Variants in TLCD4 observed in about 807,000 individuals in gnomAD.
TLCD4 encodes the protein TLC domain-containing protein 4.
A neutral mutation model predicts 24.2 loss-of-function variants in TLCD4; 7 were observed. The ratio of observed to expected loss-of-function variants is 0.29; its 90% CI spans 0.16 to 0.54. The LOEUF (loss-of-function observed/expected upper bound fraction) is 0.54, where lower values mean the gene tolerates loss of function less well. Ranked by LOEUF, TLCD4 falls within the 20% of genes least tolerant of loss-of-function variation. The pLI is 0.95. For synonymous variants in TLCD4, 103 were observed against 106.4 expected (o/e 0.97, Z 0.20); for missense variants, 259 against 313.9 (o/e 0.82, Z 1.32).
At chr1:95,183,610 G>A (rs900019636) in intron 6 of TLCD4, among the ~76,000 whole-genome samples, 1 of 152,114 alleles carries the variant, frequency 6.6e-6, no homozygotes, top group African/African-American at 2.4e-5. Context: ...AGGCCGAGGC[G>A]AGCAGATCAC....
chr1:95,170,246 G>T (rs1678157300), intron 5 of TLCD4, among the ~76,000 whole-genome samples: 1 of 151,078 alleles, frequency 6.6e-6, no homozygotes, highest in African/African-American at 2.4e-5. Flanking sequence ...GGAATAAAAA[G>T]TTCACCTATA....
chr1:95,095,238 T>G, the TLCD4 span, among the ~76,000 whole-genome samples: 1 of 152,066 alleles, frequency 6.6e-6, no homozygotes, highest in African/African-American at 2.4e-5. Context: ...CAGGAGCAGT[T>G]TTCAAGGAGG....
In TLCD4 at chr1:95,197,075, G is replaced by A. The variant is rs963478473; in HGVS notation, c.*5207G>A. On this transcript the variant is annotated 3_prime_UTR_variant, in exon 7 of 7. Coordinates refer to ENST00000370203, the MANE Select transcript of TLCD4 (RefSeq NM_152487.3). ...GATACATAGATATATACTTTTTTCT[G>A]AGAATGTATAATATATAATTGTCAA... The A allele has an allele frequency of 3.3e-5, 5 of 152,002 alleles. No homozygotes were observed. The highest frequency in any genetic ancestry group is 3.3e-4 in the Admixed American group (5 of 15,254). The allele number at this position is 152,002 out of a possible 1,614,324, so 9.4% of individuals were successfully genotyped here.
chr1:95,143,204 T>C (rs1171831241), intron 1 of TLCD4, among the ~76,000 whole-genome samples: 1 of 152,022 alleles, frequency 6.6e-6, no homozygotes, highest in Non-Finnish European at 1.5e-5. Flanking sequence ...CCTCCAGTTA[T>C]TTTGTTAGTT....
At position 95,175,841 on chromosome 1, in the gene TLCD4, T is replaced by A. The variant is rs369638311; in HGVS notation, c.473+1952T>A. ...CCCAGGCTGGAGTGCAGTGGCATGATCTTGGCTCACTGCAGCCTTGACCTC... is the reference window on the plus strand; with the variant it reads ...CCCAGGCTGGAGTGCAGTGGCATGAACTTGGCTCACTGCAGCCTTGACCTC... On this transcript the variant is annotated intron_variant, in intron 6 of 6. Transcript: ENST00000370203. Among the ~76,000 whole-genome samples the A allele has an allele frequency of 3.1e-3, 466 of 152,136 alleles. 4 individuals are homozygous for A. The highest frequency in any genetic ancestry group is 0.011 in the African/African-American group (451 of 41,500).
intron 5 of TLCD4, among the ~76,000 whole-genome samples, chr1:95,159,580 CA>C (rs1398823013): frequency 6.6e-6 from 1 of 152,114 alleles, no homozygotes; most frequent in Non-Finnish European, 1.5e-5. Flanking sequence ...AGTCTTTGCC[CA>C]TGCCTATGTC....
chr1:95,159,599 G>A (rs1677727034), intron 5 of TLCD4, among the ~76,000 whole-genome samples: 2 of 152,140 alleles, frequency 1.3e-5, no homozygotes, highest in Admixed American at 1.3e-4. Flanking sequence ...GTCCTGAATG[G>A]TATTGCCTAG....
chr1:95,151,163 A>G (rs1571746599), intron 4 of TLCD4, among the ~76,000 whole-genome samples, 162 bp from the exon 5 acceptor site: 1 of 152,144 alleles, frequency 6.6e-6, no homozygotes, highest in African/African-American at 2.4e-5. Flanking sequence ...AGGAGCAGAG[A>G]TTTTATGGTA....
At chr1:95,172,472 C>G (rs965165549) in intron 5 of TLCD4, among the ~76,000 whole-genome samples, 1 of 152,080 alleles carries the variant, frequency 6.6e-6, no homozygotes, top group African/African-American at 2.4e-5. Flanking sequence ...TATGGCTGTG[C>G]CCTAGTTGAC....
In TLCD4 at chr1:95,197,491, C is replaced by T. The variant is rs1221447946; in HGVS notation, c.*5623C>T. 1 of 151,980 alleles carries T rather than the reference C, an allele frequency of 6.6e-6. No homozygotes were observed. The highest frequency in any genetic ancestry group is 1.9e-4 in the East Asian group (1 of 5,196). The allele number at this position is 151,980 out of a possible 1,614,324, so 9.4% of individuals were successfully genotyped here. A position where few individuals can be genotyped will look rare whatever the true frequency, so the allele number is the denominator to read the frequency against. On this transcript the variant is annotated 3_prime_UTR_variant, in exon 7 of 7. Transcript: ENST00000370203. ...GAACACCCTGTAAATTACCCTTCTC[C>T]CCCTCCCCTCCATGAAAACCTTGGG...
intron 2 of TLCD4, among the ~76,000 whole-genome samples, chr1:95,145,149 A>G (rs1307956511): frequency 6.6e-6 from 1 of 152,200 alleles, no homozygotes; most frequent in East Asian, 1.9e-4. Flanking sequence ...AGTGAGTCAG[A>G]GCAGCCGTGG....
intron 1 of TLCD4, among the ~76,000 whole-genome samples, chr1:95,135,520 C>A (rs34136988): frequency 0.088 from 13,331 of 151,682 alleles, 651 homozygotes; most frequent in African/African-American, 0.11. Flanking sequence ...CCTTAGCCCC[C>A]TCAAGTAGCT....
At chr1:95,129,467 C>A (rs569853815) in intron 1 of TLCD4, among the ~76,000 whole-genome samples, 1 of 152,042 alleles carries the variant, frequency 6.6e-6, no homozygotes, top group Non-Finnish European at 1.5e-5. Context: ...ACAGGCCAGG[C>A]GCGGTAGCTC....
chr1:95,132,920 G>A (rs1395855444), intron 1 of TLCD4, among the ~76,000 whole-genome samples: 1 of 152,124 alleles, frequency 6.6e-6, no homozygotes, highest in East Asian at 1.9e-4. Flanking sequence ...GCACATAGCA[G>A]TCATTGTTAA....
chr1:95,124,360 C>G (rs962221752), intron 1 of TLCD4, among the ~76,000 whole-genome samples: 1 of 152,110 alleles, frequency 6.6e-6, no homozygotes, highest in African/African-American at 2.4e-5. Context: ...GAAGAGAAAC[C>G]AAATCAGAGA....
chr1:95,137,287 G>A (rs747777890), intron 1 of TLCD4, among the ~76,000 whole-genome samples: 53 of 152,100 alleles, frequency 3.5e-4, no homozygotes, highest in Non-Finnish European at 6.8e-4. Context: ...GCCAGGGATG[G>A]GAAAAGGAAT....
chr1:95,182,670 A>C (rs1476419883), intron 6 of TLCD4, among the ~76,000 whole-genome samples: 1 of 152,166 alleles, frequency 6.6e-6, no homozygotes, highest in Admixed American at 6.5e-5. Context: ...GAAAAAGGCA[A>C]ATAATGTTTT....
upstream of TLCD4, among the ~76,000 whole-genome samples, chr1:95,113,199 A>C (rs552357938): frequency 1.9e-4 from 29 of 149,492 alleles, no homozygotes; most frequent in South Asian, 5.1e-3. Context: ...TGCGCCACTA[A>C]GCCCAGCTAC....
intron 6 of TLCD4, among the ~76,000 whole-genome samples, chr1:95,185,641 C>T (rs956570073): frequency 3.3e-5 from 5 of 152,224 alleles, no homozygotes; most frequent in Non-Finnish European, 7.3e-5. Flanking sequence ...CAAAGATCCA[C>T]TTTCACTTAA....
Sources: allele counts gnomAD v4.1 joint callset (sites outside exome capture counted in the v4.1 genomes callset), GRCh38; gene constraint gnomAD v4.1.1; transcripts MANE v1.5; gene names NCBI Gene and HGNC (gene_info 2026-07-23, HGNC 2026-07-21).